Variants in TNR observed in about 807,000 individuals in gnomAD.
TNR encodes tenascin R.
A neutral mutation model predicts 150.4 loss-of-function variants in TNR; 45 were observed. The observed-to-expected ratio is 0.30, with a 90% CI of 0.24 to 0.38. The LOEUF (loss-of-function observed/expected upper bound fraction) is 0.38. Among genes scored for constraint, TNR ranks in the 10% least tolerant of loss-of-function variants. TNR has a pLI of 1.00. For synonymous variants in TNR, 687 were observed against 678.4 expected (o/e 1.01, Z -0.20); for missense variants, 1,544 against 1,759.1 (o/e 0.88, Z 2.19).
At chr1:175,351,012 T>C (rs1651027076) in intron 18 of TNR, among the ~76,000 whole-genome samples, 1 of 152,204 alleles carries the variant, frequency 6.6e-6, no homozygotes, top group South Asian at 2.1e-4. Context: ...TTGGAAAGGA[T>C]GCTAATTGCT....
intron 1 of TNR, among the ~76,000 whole-genome samples, chr1:175,614,239 G>A (rs1046527589): frequency 5.9e-5 from 9 of 152,198 alleles, no homozygotes; most frequent in Non-Finnish European, 1.2e-4. Context: ...GAGGTGTGGG[G>A]AAAAGATTAT....
intron 2 of TNR, among the ~76,000 whole-genome samples, chr1:175,432,669 AT>A (rs34341419): frequency 7.4e-5 from 11 of 149,248 alleles, no homozygotes; most frequent in South Asian, 4.3e-4. Context: ...CTTGCTGAGT[AT>A]TTTTTTTTAT....
At chr1:175,686,903 A>T (rs1412106703) in intron 1 of TNR, among the ~76,000 whole-genome samples, 1 of 152,174 alleles carries the variant, frequency 6.6e-6, no homozygotes, top group Admixed American at 6.5e-5. Flanking sequence ...ATGGACACTT[A>T]AGTTGATTCC....
chr1:175,388,607 T>C (rs1269099668), intron 7 of TNR, among the ~76,000 whole-genome samples: 1 of 152,224 alleles, frequency 6.6e-6, no homozygotes. Flanking sequence ...ATTCTGCCCT[T>C]TGTTGGCCAC....
intron 18 of TNR, among the ~76,000 whole-genome samples, chr1:175,343,033 G>C (rs935536750): frequency 6.6e-6 from 1 of 152,148 alleles, no homozygotes; most frequent in African/African-American, 2.4e-5. Flanking sequence ...CTTCCTACTG[G>C]TCTCCCTGCT....
At chr1:175,378,228 T>C (rs1652501740) in intron 9 of TNR, among the ~76,000 whole-genome samples, 1 of 152,206 alleles carries the variant, frequency 6.6e-6, no homozygotes, top group African/African-American at 2.4e-5. Flanking sequence ...ATCGGGTGCA[T>C]AAGGCATGAC....
At chr1:175,607,502 G>A (rs1663447385) in intron 1 of TNR, among the ~76,000 whole-genome samples, 1 of 152,174 alleles carries the variant, frequency 6.6e-6, no homozygotes, top group African/African-American at 2.4e-5. Flanking sequence ...CTCCTCTAAG[G>A]CAGCTCTGCT....
Position 175,536,645 on chromosome 1 carries a change from C to T in TNR, c.-164-8276G>A, listed in dbSNP as rs1194011644. 5.3e-5 allele frequency among the ~76,000 whole-genome samples: 8 copies of T among 152,228 alleles called. No homozygotes were observed. In the East Asian group the frequency reaches 7.7e-4, roughly 15 times the overall value. On this transcript the variant is annotated intron_variant, in intron 1 of 22. Transcript: ENST00000367674. ...ACTCCTTCATGTGTTTGTGTGAGGC[C>T]GGGTTATCCACTGATGCCTGGAAGT...
At chr1:175,497,367 G>A (rs80096298) in intron 2 of TNR, among the ~76,000 whole-genome samples, 3,197 of 152,298 alleles carry the variant, frequency 0.021, 48 homozygotes, top group Non-Finnish European at 0.03. Context: ...AAGGGACCAG[G>A]AAGAATGGAT....
At chr1:175,732,651 A>G (rs1667674480) in intron 1 of TNR, among the ~76,000 whole-genome samples, 1 of 152,160 alleles carries the variant, frequency 6.6e-6, no homozygotes, top group African/African-American at 2.4e-5. Flanking sequence ...GGCAGTGGGG[A>G]ACCTGGAAGG....
chr1:175,328,150 C>G (rs186899146), intron 21 of TNR, among the ~76,000 whole-genome samples: 74 of 152,168 alleles, frequency 4.9e-4, no homozygotes, highest in African/African-American at 1.8e-3. Flanking sequence ...AAGTGAGTAC[C>G]ATTGATTGTG....
At chr1:175,644,214 A>G (rs1035356812) in intron 1 of TNR, among the ~76,000 whole-genome samples, 1 of 152,198 alleles carries the variant, frequency 6.6e-6, no homozygotes, top group African/African-American at 2.4e-5. Flanking sequence ...GCATCAACAG[A>G]CACATTGTCC....
rs144967675 is a variant in TNR, at chr1:175,526,049, A to G, written c.-64+2220T>C. Among the ~76,000 whole-genome samples the G allele has an allele frequency of 7.8e-3, 1,153 of 148,452 alleles. 13 individuals carry two copies. The highest frequency in any genetic ancestry group is 0.027 in the African/African-American group (1,073 of 40,058). On this transcript the variant is annotated intron_variant, in intron 2 of 22. Coordinates refer to ENST00000367674, the MANE Select transcript of TNR (RefSeq NM_003285.3). ...AATTCCCCTTTCCCATTTTGCTTTTATTTTTATAAAATCTGACGGAAGGGT... is the reference window on the plus strand; with the variant it reads ...AATTCCCCTTTCCCATTTTGCTTTTGTTTTTATAAAATCTGACGGAAGGGT...
intron 1 of TNR, among the ~76,000 whole-genome samples, chr1:175,611,204 T>C (rs963420216): frequency 6.6e-6 from 1 of 152,236 alleles, no homozygotes; most frequent in African/African-American, 2.4e-5. Flanking sequence ...CACTGGAGGC[T>C]TGTGTTCATC....
At chr1:175,402,230 C>A (rs900380999) in intron 4 of TNR, among the ~76,000 whole-genome samples, 2 of 143,840 alleles carry the variant, frequency 1.4e-5, no homozygotes, top group African/African-American at 2.6e-5. Context: ...TGGTGTGAAC[C>A]CGGGAAGCGG....
At chr1:175,432,999 T>C (rs1178653634) in intron 2 of TNR, among the ~76,000 whole-genome samples, 2 of 152,206 alleles carry the variant, frequency 1.3e-5, no homozygotes, top group Non-Finnish European at 2.9e-5. Flanking sequence ...TTGCACCCTT[T>C]TTGCCCTTTC....
chr1:175,679,318 G>T (rs1403394623), intron 1 of TNR, among the ~76,000 whole-genome samples: 3 of 152,196 alleles, frequency 2.0e-5, no homozygotes, highest in Non-Finnish European at 4.4e-5. Context: ...GACAGCTGGG[G>T]CACCAGTGAG....
chr1:175,483,781 TC>T (rs1427357668), intron 2 of TNR, among the ~76,000 whole-genome samples: 1 of 152,152 alleles, frequency 6.6e-6, no homozygotes, highest in Non-Finnish European at 1.5e-5. Context: ...TGAGTTGCAG[TC>T]CAGGCTCTGT....
intron 2 of TNR, among the ~76,000 whole-genome samples, chr1:175,484,893 T>C (rs1178341768): frequency 6.6e-6 from 1 of 152,180 alleles, no homozygotes; most frequent in Non-Finnish European, 1.5e-5. Flanking sequence ...ATGATGAGCA[T>C]CTAGAACTGT....
Sources: allele counts gnomAD v4.1 joint callset (sites outside exome capture counted in the v4.1 genomes callset), GRCh38; gene constraint gnomAD v4.1.1; transcripts MANE v1.5; gene names NCBI Gene and HGNC (gene_info 2026-07-23, HGNC 2026-07-21).